Variants in EHMT1 observed in about 807,000 individuals in gnomAD.
EHMT1 encodes the protein euchromatic histone lysine methyltransferase 1.
A neutral mutation model predicts 147.2 loss-of-function variants in EHMT1; 15 were observed. The ratio of observed to expected loss-of-function variants is 0.10; its 90% CI spans 0.07 to 0.16. The LOEUF (loss-of-function observed/expected upper bound fraction) is 0.16, where lower values mean the gene tolerates loss of function less well. Among genes scored for constraint, EHMT1 ranks in the 10% least tolerant of loss-of-function variants. The pLI is 1.00. For missense variants in EHMT1, 1,587 were observed against 1,772.4 expected (o/e 0.90, Z 1.88); for synonymous variants, 795 against 709.6 (o/e 1.12, Z -1.91).
At chr9:137,772,972 C>T (rs1234615097) in intron 10 of EHMT1, among the ~76,000 whole-genome samples, 1 of 152,194 alleles carries the variant, frequency 6.6e-6, no homozygotes, top group African/African-American at 2.4e-5. Context: ...GACCCCCTAC[C>T]CCGCAGCTCC....
At chr9:137,678,717 C>T (rs969850137) in intron 1 of EHMT1, among the ~76,000 whole-genome samples, 1 of 149,788 alleles carries the variant, frequency 6.7e-6, no homozygotes. Context: ...TGTCCCCCCC[C>T]CCGCTCCCCC....
chr9:137,675,085 G>A (rs1282547698), intron 1 of EHMT1: 1 of 152,168 alleles, frequency 6.6e-6, no homozygotes, highest in Non-Finnish European at 1.5e-5. Flanking sequence ...AAGCAGGCTG[G>A]GCTGGATTTG....
chr9:137,619,592 C>G (rs1842827261), intron 1 of EHMT1, among the ~76,000 whole-genome samples: 1 of 152,120 alleles, frequency 6.6e-6, no homozygotes, highest in Non-Finnish European at 1.5e-5. Context: ...CGGCGTGTTT[C>G]TCCCCAGACA....
chr9:137,822,290 G>A (rs1955479107), intron 25 of EHMT1, among the ~76,000 whole-genome samples: 1 of 152,224 alleles, frequency 6.6e-6, no homozygotes, highest in Admixed American at 6.5e-5. Flanking sequence ...CTGTGGGTGG[G>A]CCTCCGTCCT....
intron 1 of EHMT1, among the ~76,000 whole-genome samples, chr9:137,620,692 C>G (rs999581827): frequency 6.6e-6 from 1 of 152,190 alleles, no homozygotes; most frequent in African/African-American, 2.4e-5. Context: ...TGTGCCCGTC[C>G]TGTTGTTTCC....
intron 15 of EHMT1, chr9:137,784,094 T>C: frequency 7.8e-7 from 1 of 1,274,776 alleles, no homozygotes; most frequent in Non-Finnish European, 1.1e-6. Flanking sequence ...AAAAGAAATT[T>C]ATTTCTCACA....
intron 1 of EHMT1, chr9:137,646,542 G>C: frequency 2.6e-6 from 2 of 759,728 alleles, no homozygotes; most frequent in African/African-American, 3.8e-5. Context: ...CCTGGAGCCT[G>C]GGGGAGGCCC....
chr9:137,798,729 G>A lies in EHMT1; in HGVS notation c.2506-84G>A, dbSNP rs4876947. 333,872 of 1,094,578 alleles carry A rather than the reference G, an allele frequency of 0.31. 53,965 individuals carry two copies. Among genetic ancestry groups the A allele is most frequent in the Admixed American group, 0.47 (28,090 of 59,270 alleles). The allele number at this position is 1,094,578 out of a possible 1,614,324, so 67.8% of individuals were successfully genotyped here. A position where few individuals can be genotyped will look rare whatever the true frequency, so the allele number is the denominator to read the frequency against. ...GTACCCCACCCGCATGGTAGACACC[G>A]GGTTCTCCTGGATCCCGCACTCAGG... On this transcript the variant is annotated intron_variant, in intron 16 of 26. Coordinates refer to ENST00000460843, the MANE Select transcript of EHMT1 (RefSeq NM_024757.5).
rs530645423 is a variant in EHMT1 at position 137,823,042 on chromosome 9, T to A, written c.3540+4904T>A. Among the ~76,000 whole-genome samples, 10 of 150,722 alleles carry A rather than the reference T, an allele frequency of 6.6e-5. No homozygotes were observed. The East Asian group carries it at 1.2e-3, about 19-fold the overall frequency. On this transcript the variant is annotated intron_variant, in intron 25 of 26. Coordinates refer to ENST00000460843, the MANE Select transcript of EHMT1 (RefSeq NM_024757.5). ...GCCTCCTGGGTTCAAGCGAGTCTCC[T>A]GCTTCAGCCTCCTGAGTAGCTGGGA...
intron 3 of EHMT1, among the ~76,000 whole-genome samples, chr9:137,726,441 G>A (rs1946637752): frequency 6.6e-6 from 1 of 152,128 alleles, no homozygotes; most frequent in Admixed American, 6.5e-5. Context: ...CTGCAGCGCG[G>A]GCCCCAGCTT....
In EHMT1 at chr9:137,776,958, C is replaced by T; in HGVS notation, c.2018+114C>T. ...TTTTCCAGAAGTCTCTGAGCTGATG[C>T]TGATGCTTATGGTGATTTCTGACAT... On this transcript the variant is annotated intron_variant, in intron 12 of 26. Coordinates refer to ENST00000460843, the MANE Select transcript of EHMT1 (RefSeq NM_024757.5). This position sits in a 1 kb window ranked among gnomAD's most constrained non-coding sequence, Gnocchi z 4.4. The T allele has an allele frequency of 1.1e-6, 1 of 950,960 alleles. No individual in the cohort carries two copies. 58.9% of individuals were successfully genotyped at this position (950,960 alleles called of 1,614,324 possible).
At chr9:137,692,912 A>C (rs527964362) in intron 1 of EHMT1, among the ~76,000 whole-genome samples, 1 of 152,130 alleles carries the variant, frequency 6.6e-6, no homozygotes, top group South Asian at 2.1e-4. Context: ...TGTCTTTTGG[A>C]AAAAAGGGAC....
In EHMT1 at chr9:137,782,406, G is replaced by A. The variant is rs757053281; in HGVS notation, c.2382+9G>A. 1 of 1,601,798 alleles carries A rather than the reference G, an allele frequency of 6.2e-7. No individual in the cohort carries two copies. Among genetic ancestry groups the A allele is most frequent in the Non-Finnish European group, 8.5e-7 (1 of 1,177,028 alleles). On this transcript the variant is annotated intron_variant, in intron 15 of 26. Coordinates refer to ENST00000460843, the MANE Select transcript of EHMT1 (RefSeq NM_024757.5). This position sits in a 1 kb window ranked among gnomAD's most constrained non-coding sequence, Gnocchi z 5.7. Reference sequence around the variant, plus strand: ...GCCACATGCTGGTTCAGGTGCGGCGGCACGGCGCCCTCCTAGGGCTCTTCA... The same window carrying A: ...GCCACATGCTGGTTCAGGTGCGGCGACACGGCGCCCTCCTAGGGCTCTTCA...
chr9:137,671,136 A>T (rs1249549036), intron 1 of EHMT1, among the ~76,000 whole-genome samples: 2 of 152,188 alleles, frequency 1.3e-5, no homozygotes, highest in East Asian at 3.9e-4. Context: ...GCCTATAGTT[A>T]ACTGTTTTCC....
intron 1 of EHMT1, among the ~76,000 whole-genome samples, chr9:137,656,332 T>C (rs1938442713): frequency 6.6e-6 from 1 of 152,028 alleles, no homozygotes; most frequent in Admixed American, 6.6e-5. Context: ...GTGAGCTGAG[T>C]TGGCACCATT....
chr9:137,711,127 T>C lies in EHMT1; in HGVS notation c.85+97T>C, dbSNP rs770755685. The C allele has an allele frequency of 4.6e-6, 6 of 1,318,566 alleles. No individual in the cohort carries two copies. The Admixed American group carries it at 1.1e-4, about 24-fold the overall frequency. 81.7% of individuals were successfully genotyped at this position (1,318,566 alleles called of 1,614,324 possible). A position where few individuals can be genotyped will look rare whatever the true frequency, so the allele number is the denominator to read the frequency against. On this transcript the variant is annotated intron_variant, in intron 2 of 26. Transcript: ENST00000460843. ...TCTTATTAGTCCCCGTCTTCTGACTTTCTTTGCTTCACCTAGGTTTATGGT... is the reference window on the plus strand; with the variant it reads ...TCTTATTAGTCCCCGTCTTCTGACTCTCTTTGCTTCACCTAGGTTTATGGT...
intron 22 of EHMT1, chr9:137,814,892 C>T: frequency 2.6e-6 from 1 of 384,072 alleles, no homozygotes; most frequent in South Asian, 2.3e-5. Flanking sequence ...GGGCTGGGTA[C>T]AGGGAGCATC....
chr9:137,628,505 A>G (rs889862755), intron 1 of EHMT1, among the ~76,000 whole-genome samples: 3 of 152,258 alleles, frequency 2.0e-5, no homozygotes, highest in South Asian at 2.1e-4. Context: ...CCGATCTCCA[A>G]CTGGGCTCAG....
In EHMT1 at chr9:137,778,035, C is replaced by G; in HGVS notation, c.2172C>G (p.Leu724=). Residue 724 remains leucine (L), a synonymous_variant, in exon 13 of 27, where the codon CTC becomes CTG. Transcript: ENST00000460843. ...GGAAGGAAACCTTGGAGAGCGCTCT[C>G]ATCGCCCTCGACTCGGAAAAGTAAG... ...GPGKETLESA[L]IALDSEKPKK... is the part of the protein sequence containing the mutation. 4 of 1,613,902 alleles carry G rather than the reference C, an allele frequency of 2.5e-6. No individual in the cohort carries two copies. The highest frequency in any genetic ancestry group is 3.4e-6 in the Non-Finnish European group (4 of 1,180,040).
Sources: allele counts gnomAD v4.1 joint callset (sites outside exome capture counted in the v4.1 genomes callset), GRCh38; gene constraint gnomAD v4.1.1; non-coding constraint Gnocchi (gnomAD v3.1); transcripts MANE v1.5; gene names NCBI Gene and HGNC (gene_info 2026-07-23, HGNC 2026-07-21).